DMD: variants seen among roughly 807,000 people sequenced by gnomAD.
DMD encodes dystrophin.
In DMD, 63 loss-of-function variants were observed where a neutral mutation model predicts 330.1. The ratio of observed to expected loss-of-function variants is 0.19; its 90% confidence interval spans 0.16 to 0.24. DMD has a LOEUF of 0.24. DMD is among the 10% of genes least tolerant of loss of function. DMD has a pLI of 1.00. For missense variants in DMD, 3,344 were observed against 2,684.1 expected, an observed-to-expected ratio of 1.25 and a Z score of -5.43; for synonymous variants, 1,223 against 959.8, an observed-to-expected ratio of 1.27 and a Z score of -5.07.
intron 55 of DMD, among the ~76,000 whole-genome samples, chrX:31,514,060 T>C (rs1367722366): frequency 3.6e-5 from 4 of 111,707 alleles, no homozygotes; most frequent in South Asian, 3.7e-4. Flanking sequence ...TTTTAGCAAA[T>C]CTAGCACTGC....
intron 62 of DMD, among the ~76,000 whole-genome samples, chrX:31,290,380 A>T (rs2053598292): frequency 9.0e-6 from 1 of 111,307 alleles, no homozygotes; most frequent in Non-Finnish European, 1.9e-5. Context: ...GTACATATTG[A>T]CTCCCTAAAT....
intron 12 of DMD, among the ~76,000 whole-genome samples, chrX:32,611,610 C>CT (rs2057178401): frequency 9.0e-6 from 1 of 111,710 alleles, no homozygotes; most frequent in African/African-American, 3.2e-5. Flanking sequence ...CTTGTCTCAC[C>CT]TTAATGAAGA....
chrX:31,236,931 T>C (rs2047788547), intron 63 of DMD, among the ~76,000 whole-genome samples: 1 of 111,743 alleles, frequency 8.9e-6, no homozygotes, highest in Non-Finnish European at 1.9e-5. Context: ...CAGTAAACAT[T>C]TTAGGTTCTG....
chrX:32,327,195 CA>C (rs1180767804), intron 41 of DMD, among the ~76,000 whole-genome samples: 8,843 of 24,910 alleles, frequency 0.35, 951 homozygotes, highest in African/African-American at 0.55. Flanking sequence ...ACTAGGGGCA[CA>C]AAAAAAAAAA....
At chrX:33,050,328 T>C (rs1292362089) in intron 1 of DMD, among the ~76,000 whole-genome samples, 3 of 111,821 alleles carry the variant, frequency 2.7e-5, no homozygotes, top group Non-Finnish European at 3.8e-5. Flanking sequence ...ATTCAAGGAA[T>C]TAAAAGGTCT....
intron 44 of DMD, among the ~76,000 whole-genome samples, chrX:32,083,632 T>C (rs537847464): frequency 1.3e-4 from 15 of 112,471 alleles, no homozygotes; most frequent in African/African-American, 4.8e-4. Context: ...AGCCACTTCA[T>C]GGATTGAGGT....
chrX:32,691,109 T>C (rs1208041084), intron 9 of DMD, among the ~76,000 whole-genome samples: 2 of 110,693 alleles, frequency 1.8e-5, no homozygotes, highest in South Asian at 3.7e-4. Context: ...TCAGAGCTAT[T>C]AGGAGGGTTA....
At chrX:32,505,303 G>A (rs999862824) in intron 18 of DMD, among the ~76,000 whole-genome samples, 3 of 112,121 alleles carry the variant, frequency 2.7e-5, no homozygotes, top group Non-Finnish European at 3.8e-5. Flanking sequence ...AATACACAAA[G>A]AACTCTTAAA....
At chrX:31,398,501 C>T (rs1377430770) in intron 60 of DMD, among the ~76,000 whole-genome samples, 1 of 111,974 alleles carries the variant, frequency 8.9e-6, no homozygotes, top group Non-Finnish European at 1.9e-5. Context: ...GTTTCCCAGG[C>T]TGGTCTTGAA....
At chrX:31,684,672 G>A (rs2082577565) in intron 52 of DMD, among the ~76,000 whole-genome samples, 2 of 112,199 alleles carry the variant, frequency 1.8e-5, no homozygotes, top group Non-Finnish European at 3.8e-5. Flanking sequence ...GAGAAAGCAC[G>A]TAGTTCTGCA....
chrX:32,625,123 T>G (rs1569333228), intron 11 of DMD, among the ~76,000 whole-genome samples: 1 of 111,250 alleles, frequency 9.0e-6, no homozygotes, highest in Non-Finnish European at 1.9e-5. Context: ...GTGAGCTGAG[T>G]TCGCACCATT....
intron 25 of DMD, among the ~76,000 whole-genome samples, chrX:32,457,183 T>C (rs1021112663): frequency 6.4e-5 from 7 of 109,604 alleles, no homozygotes; most frequent in African/African-American, 2.3e-4. Context: ...TAAGAAAGAA[T>C]GATGACACAG....
intron 59 of DMD, among the ~76,000 whole-genome samples, chrX:31,452,403 T>C (rs961835503): frequency 1.4e-4 from 15 of 108,539 alleles, no homozygotes; most frequent in African/African-American, 4.5e-4. Context: ...GCCAACACAG[T>C]GAAACCCTGT....
At chrX:32,157,725 C>T (rs777418716) in intron 44 of DMD, among the ~76,000 whole-genome samples, 10 of 111,835 alleles carry the variant, frequency 8.9e-5, no homozygotes, top group Non-Finnish European at 1.7e-4. Context: ...AATAGAAATC[C>T]TTTCCCTCTG....
chrX:32,125,330 G>A (rs1049750130), intron 44 of DMD, among the ~76,000 whole-genome samples: 2 of 111,312 alleles, frequency 1.8e-5, no homozygotes, highest in African/African-American at 3.3e-5. Context: ...GGTAGTTGAC[G>A]GACAGTGAGG....
chrX:32,534,017 G>A (rs1040087936), intron 17 of DMD, among the ~76,000 whole-genome samples: 1 of 112,011 alleles, frequency 8.9e-6, no homozygotes, highest in Non-Finnish European at 1.9e-5. Flanking sequence ...TCCATCTACT[G>A]TGTTAGTAAG....
chrX:31,541,522 T>C (rs756620809), intron 55 of DMD, among the ~76,000 whole-genome samples: 35 of 90,554 alleles, frequency 3.9e-4, no homozygotes, highest in African/African-American at 1.3e-3. Flanking sequence ...TGGTGTGTGA[T>C]GTTCCCCACC....
At chrX:32,138,533 T>A (rs1402921435) in intron 44 of DMD, among the ~76,000 whole-genome samples, 1 of 112,325 alleles carries the variant, frequency 8.9e-6, no homozygotes, top group Non-Finnish European at 1.9e-5. Context: ...AAATCTTTTT[T>A]AAATTCTTGC....
At chrX:31,432,820 A>C (rs1339762596) in intron 60 of DMD, among the ~76,000 whole-genome samples, 1 of 112,388 alleles carries the variant, frequency 8.9e-6, no homozygotes, top group Non-Finnish European at 1.9e-5. Flanking sequence ...TTCAAAGTGG[A>C]TATTTTAAAA....
Sources: allele counts gnomAD v4.1 joint callset (sites outside exome capture counted in the v4.1 genomes callset), GRCh38; gene constraint gnomAD v4.1.1; transcripts MANE v1.5; gene names NCBI Gene and HGNC (gene_info 2026-07-23, HGNC 2026-07-21).